Variants in TMEM44 observed in about 807,000 individuals in gnomAD.
TMEM44 encodes transmembrane protein 44.
In TMEM44, 43 loss-of-function variants were observed where a neutral mutation model predicts 47.8. The ratio of observed to expected loss-of-function variants is 0.90; its 90% confidence interval spans 0.70 to 1.16. TMEM44 has a LOEUF of 1.16. Among genes scored for constraint, TMEM44 ranks in the 50% most tolerant of loss-of-function variants. The pLI is 0.00. For synonymous variants in TMEM44, 277 were observed against 238.8 expected (o/e 1.16, Z -1.48); for missense variants, 568 against 555.2 (o/e 1.02, Z -0.23).
intron 5 of TMEM44, among the ~76,000 whole-genome samples, chr3:194,619,356 A>AGAC (rs1299501994): frequency 6.6e-6 from 1 of 152,234 alleles, no homozygotes; most frequent in East Asian, 1.9e-4. Flanking sequence ...TGACTGGATG[A>AGAC]GACATGGCAG....
intron 7 of TMEM44, among the ~76,000 whole-genome samples, chr3:194,613,435 C>T (rs1323928199): frequency 6.6e-6 from 1 of 151,878 alleles, no homozygotes; most frequent in Non-Finnish European, 1.5e-5. Context: ...ATCTCGGCCT[C>T]CCAAAGTGCT....
At chr3:194,612,557 A>T (rs1435794370) in intron 7 of TMEM44, among the ~76,000 whole-genome samples, 1 of 146,584 alleles carries the variant, frequency 6.8e-6, no homozygotes, top group Non-Finnish European at 1.5e-5. Flanking sequence ...CCTCACACCC[A>T]CTCTCTGTGA....
At chr3:194,619,208 G>A (rs989193774) in intron 5 of TMEM44, among the ~76,000 whole-genome samples, 29 of 152,212 alleles carry the variant, frequency 1.9e-4, no homozygotes, top group African/African-American at 6.0e-4. Context: ...CAGTGACAGC[G>A]CCCACTGTCC....
At chr3:194,604,227 C>T in intron 9 of TMEM44, 60 bp downstream of exon 9, 1 of 1,547,102 alleles carries the variant, frequency 6.5e-7, no homozygotes, top group Non-Finnish European at 8.7e-7. Context: ...AAGGAGCACC[C>T]AGCAAGTGTC....
At chr3:194,614,109 CA>C (rs1715630595) in intron 7 of TMEM44, among the ~76,000 whole-genome samples, 1 of 151,890 alleles carries the variant, frequency 6.6e-6, no homozygotes, top group African/African-American at 2.4e-5. Flanking sequence ...GCAACAAGAG[CA>C]AAACTCCGTC....
chr3:194,602,886 T>C (rs76734410), intron 9 of TMEM44, among the ~76,000 whole-genome samples: 3,082 of 152,318 alleles, frequency 0.02, 93 homozygotes, highest in African/African-American at 0.07. Flanking sequence ...CAATGGCTAA[T>C]TGATTATTTT....
chr3:194,616,510 A>G, intron 6 of TMEM44: 1 of 449,982 alleles, frequency 2.2e-6, no homozygotes, highest in Non-Finnish European at 4.5e-6. Flanking sequence ...ATGAAGGGCA[A>G]GGCAGAAATG....
chr3:194,598,105 C>T (rs1177561227), intron 9 of TMEM44, among the ~76,000 whole-genome samples: 1 of 152,148 alleles, frequency 6.6e-6, no homozygotes, highest in African/African-American at 2.4e-5. Context: ...TGGAGTTGTA[C>T]AGAAATCTGC....
chr3:194,594,933 T>A (rs1270928008), intron 9 of TMEM44, among the ~76,000 whole-genome samples: 1 of 152,190 alleles, frequency 6.6e-6, no homozygotes, highest in Non-Finnish European at 1.5e-5. Flanking sequence ...TATAAACCGC[T>A]AATGATAGTG....
intron 6 of TMEM44, among the ~76,000 whole-genome samples, chr3:194,615,953 A>C (rs1280205115): frequency 6.6e-6 from 1 of 152,280 alleles, no homozygotes; most frequent in Admixed American, 6.5e-5. Flanking sequence ...AAACTAAAGC[A>C]TTTTGGAAAA....
chr3:194,595,037 C>G (rs1255031627), intron 9 of TMEM44, among the ~76,000 whole-genome samples: 1 of 152,184 alleles, frequency 6.6e-6, no homozygotes, highest in Non-Finnish European at 1.5e-5. Context: ...AGTCTTTTCC[C>G]TGTTTCAAGA....
intron 9 of TMEM44, among the ~76,000 whole-genome samples, chr3:194,602,368 G>A (rs1404844197): frequency 2.6e-5 from 4 of 152,284 alleles, no homozygotes; most frequent in Admixed American, 6.5e-5. Context: ...TTGGGAGGCC[G>A]AGGTGGGTGG....
At chr3:194,600,723 C>A (rs1713998574) in intron 9 of TMEM44, among the ~76,000 whole-genome samples, 1 of 152,070 alleles carries the variant, frequency 6.6e-6, no homozygotes, top group South Asian at 2.1e-4. Context: ...GGCACTCCAG[C>A]CTGGTGACAG....
intron 9 of TMEM44, among the ~76,000 whole-genome samples, chr3:194,598,395 G>A (rs1360121601): frequency 1.3e-5 from 2 of 151,476 alleles, no homozygotes; most frequent in East Asian, 2.0e-4. Context: ...ACACCTTCCC[G>A]GGTACCAGTC....
rs1243306082 is a variant in TMEM44 at position 194,616,442 on chromosome 3, G to A, written c.783+657C>T. On this transcript the variant is annotated intron_variant, in intron 6 of 9. Transcript: ENST00000347147. ...ATTGGACTGGGCCCTAACTCCAACA[G>A]CTGGGGTCCCTATAAGAAAAGGAGA... 3 of 393,136 alleles carry A rather than the reference G, an allele frequency of 7.6e-6. No individual in the cohort carries two copies. The East Asian group carries it at 2.2e-4, about 29-fold the overall frequency. 24.4% of individuals were successfully genotyped at this position (393,136 alleles called of 1,614,324 possible). A position where few individuals can be genotyped will look rare whatever the true frequency, so the allele number is the denominator to read the frequency against.
intron 9 of TMEM44, among the ~76,000 whole-genome samples, chr3:194,602,467 TG>T (rs1649255350): frequency 6.6e-6 from 1 of 152,078 alleles, no homozygotes. Context: ...CCGGGCGTGG[TG>T]GTGGGCACCT....
intron 9 of TMEM44, among the ~76,000 whole-genome samples, chr3:194,602,698 G>A (rs775185038): frequency 5.9e-5 from 9 of 152,170 alleles, no homozygotes; most frequent in Non-Finnish European, 8.8e-5. Flanking sequence ...TGGCGAAAGG[G>A]CCAGAGAAGA....
intron 9 of TMEM44, among the ~76,000 whole-genome samples, chr3:194,593,888 G>A (rs994911480): frequency 1.3e-5 from 2 of 152,156 alleles, no homozygotes; most frequent in African/African-American, 4.8e-5. Flanking sequence ...ATAGCCCACT[G>A]CTGCCTCCAT....
At chr3:194,632,391 GGCACCATCCTGA>G (rs1373521476) in intron 1 of TMEM44, among the ~76,000 whole-genome samples, 1 of 152,150 alleles carries the variant, frequency 6.6e-6, no homozygotes, top group Non-Finnish European at 1.5e-5. Flanking sequence ...ATGCTTGGGC[GGCACCATCCTGA>G]GCACTGCTAG....
Sources: allele counts gnomAD v4.1 joint callset (sites outside exome capture counted in the v4.1 genomes callset), GRCh38; gene constraint gnomAD v4.1.1; transcripts MANE v1.5; gene names NCBI Gene and HGNC (gene_info 2026-07-23, HGNC 2026-07-21).